CAPN15: variants seen among roughly 807,000 people sequenced by gnomAD.
CAPN15 encodes the protein calpain 15.
In CAPN15, 53 loss-of-function variants were observed where a neutral mutation model predicts 97.9. That is an observed-to-expected ratio of 0.54 (90% CI 0.43 to 0.68). CAPN15 has a LOEUF of 0.68. CAPN15 is among the 30% of genes least tolerant of loss of function. The pLI, the probability that CAPN15 is intolerant of heterozygous loss-of-function variation, is 0.00. For missense variants in CAPN15, 1,592 were observed against 1,589.8 expected (o/e 1.00, Z -0.02); for synonymous variants, 922 against 722.5 (o/e 1.28, Z -4.43).
intron 3 of CAPN15, among the ~76,000 whole-genome samples, chr16:542,372 G>A (rs951115584): frequency 1.3e-5 from 2 of 152,144 alleles, no homozygotes; most frequent in African/African-American, 4.8e-5. Flanking sequence ...TTCCGCAGCG[G>A]CTGCATTACC....
Position 535,121 on chromosome 16 carries a change from T to C in CAPN15, c.-136-908T>C, listed in dbSNP as rs944601535. 6.6e-6 allele frequency among the ~76,000 whole-genome samples: 1 copy of C among 152,154 alleles called. No homozygotes were observed. Among genetic ancestry groups the C allele is most frequent in the Non-Finnish European group, 1.5e-5 (1 of 68,004 alleles). ...CTCCCAGCTCCCCAGGTAGGGACGC[T>C]GACCCCGGGAGGTGCCTTTGCCTGC... On this transcript the variant is annotated intron_variant, in intron 2 of 13. Transcript: ENST00000219611. The surrounding 1 kb of genome is among the most constrained non-coding windows in gnomAD (Gnocchi z 6.2).
intron 2 of CAPN15, among the ~76,000 whole-genome samples, chr16:534,448 G>A (rs1038379640): frequency 2.6e-5 from 4 of 152,178 alleles, no homozygotes; most frequent in Admixed American, 6.5e-5. Context: ...TGGGGCGGGC[G>A]GTCGGAGTCC....
At position 549,642 on chromosome 16, in the gene CAPN15, C is replaced by G. The variant is rs1181412048; in HGVS notation, c.1870C>G (p.Leu624Val). The G allele has an allele frequency of 8.4e-6, 13 of 1,554,210 alleles. No individual in the cohort carries two copies. Among genetic ancestry groups the G allele is most frequent in the Admixed American group, 3.7e-5 (2 of 54,088 alleles). Reference protein sequence around the residue: ...QAQRKQLWVALIEKALAKLHG... With the variant: ...QAQRKQLWVAVIEKALAKLHG... ...GCAGCGGAAGCAGCTGTGGGTGGCC[C>G]TCATCGAGAAGGCGCTGGCCAAGCT... The change falls in exon 7 of 14, where the codon CTC becomes GTC. Residue 624 changes from leucine to valine, a missense_variant. Physicochemically the swap from Leu to Val is conservative, Grantham distance 32. Transcript: ENST00000219611.
In CAPN15 at chr16:554,480, TG is replaced by T. The variant is rs1367070384; in HGVS notation, c.*965del. The T allele has an allele frequency of 2.2e-6, 1 of 454,792 alleles. No homozygotes were observed. Among genetic ancestry groups the T allele is most frequent in the Non-Finnish European group, 4.4e-6 (1 of 226,730 alleles). 28.2% of individuals were successfully genotyped at this position (454,792 alleles called of 1,614,324 possible). ...ACTCCCCTTTGGCCTCCCTGTACTC[TG>T]AGCTGTGAATATTTTTAACCCTGTA... is the stretch of plus-strand genomic sequence containing the variant. On this transcript the variant is annotated 3_prime_UTR_variant, in exon 14 of 14. Transcript: ENST00000219611.
chr16:552,731 C>G lies in CAPN15; in HGVS notation c.2864C>G (p.Ala955Gly). 9 of 1,544,548 alleles carry G rather than the reference C, an allele frequency of 5.8e-6. No homozygotes were observed. The highest frequency in any genetic ancestry group is 7.9e-6 in the Non-Finnish European group (9 of 1,145,666). ...VEAQPTTLAD[A>G]IILLTESRGE... is the part of the protein sequence containing the mutation. The stretch of plus-strand genomic sequence containing the variant: ...GCCCAGCCGACCACGCTGGCCGACG[C>G]CATCATCCTGCTCACCGAGAGCCGC... Residue 955 changes from alanine (A) to glycine (G), a missense_variant, in exon 12 of 14, where the codon GCC (alanine) becomes GGC (glycine). Ala to Gly is a moderately conservative substitution (Grantham distance 60). Around this residue, in one of 3 missense-constraint regions of CAPN15, gnomAD observed 644 missense variants for 699.6 expected, o/e 0.92. Coordinates refer to ENST00000219611, the MANE Select transcript of CAPN15 (RefSeq NM_005632.3). This position sits in a 1 kb window ranked among gnomAD's most constrained non-coding sequence, Gnocchi z 6.4.
At chr16:528,074 C>T (rs2032978038) in intron 1 of CAPN15, 45 bp downstream of exon 1, 1 of 143,328 alleles carries the variant, frequency 7.0e-6, no homozygotes, top group South Asian at 2.0e-4. Context: ...AGCCGGGGAC[C>T]CCGGGCGGGG....
chr16:537,415 G>A (rs775972649), intron 3 of CAPN15: 463 of 985,562 alleles, frequency 4.7e-4, no homozygotes, highest in Non-Finnish European at 5.4e-4. Context: ...AGCGGCACGC[G>A]TGACCCCAGG....
chr16:553,394 C>G lies in CAPN15; in HGVS notation c.3139C>G (p.His1047Asp). 6.2e-7 allele frequency: 1 copy of G among 1,610,620 alleles called. No homozygotes were observed. Among genetic ancestry groups the G allele is most frequent in the South Asian group, 1.1e-5 (1 of 90,984 alleles). ...GGGCAACGCCGGCTTCTCTATCACC[C>G]ACCGCCTGGCACATCGCAAGGCAGC... is the stretch of plus-strand genomic sequence containing the variant. ...LEGNAGFSIT[H>D]RLAHRKAAQA... is the part of the protein sequence containing the mutation. Residue 1047 changes from histidine (H) to aspartate (D), a missense_variant, in exon 14 of 14, where the codon CAC becomes GAC. Physicochemically the swap from His to Asp is moderately conservative, Grantham distance 81. Coordinates refer to ENST00000219611, the MANE Select transcript of CAPN15 (RefSeq NM_005632.3).
Position 553,525 on chromosome 16 carries a change from C to G in CAPN15, c.*9C>G. 6.3e-7 allele frequency: 1 copy of G among 1,596,018 alleles called. No individual in the cohort carries two copies. Among genetic ancestry groups the G allele is most frequent in the Non-Finnish European group, 8.6e-7 (1 of 1,168,578 alleles). On this transcript the variant is annotated 3_prime_UTR_variant, in exon 14 of 14. Transcript: ENST00000219611. ...GGCCCCGACCGCTGTGACCACCATG[C>G]CTGGGGCAGGGGCTGTGCACAGACG...
intron 9 of CAPN15, 187 bp from the exon 10 acceptor site, chr16:551,864 A>G: frequency 1.0e-6 from 1 of 976,518 alleles, no homozygotes; most frequent in Non-Finnish European, 1.6e-6. Flanking sequence ...AGCGCCCTGA[A>G]GAGCCGGCCC....
chr16:551,055 G>GC (rs2035016695), intron 7 of CAPN15, among the ~76,000 whole-genome samples: 1 of 135,424 alleles, frequency 7.4e-6, no homozygotes, highest in Non-Finnish European at 1.5e-5. Flanking sequence ...GTCGGTGAGG[G>GC]TCCCCGGTCG....
Position 549,728 on chromosome 16 carries a change from C to A in CAPN15, c.1956C>A (p.Thr652=). 6.3e-7 allele frequency: 1 copy of A among 1,579,466 alleles called. No individual in the cohort carries two copies. Among genetic ancestry groups the A allele is most frequent in the Admixed American group, 1.8e-5 (1 of 56,632 alleles). The change falls in exon 7 of 14, where the codon ACC becomes ACA. Residue 652 remains threonine (T), a synonymous_variant. Coordinates refer to ENST00000219611, the MANE Select transcript of CAPN15 (RefSeq NM_005632.3). ...CCATCGAAGGCCTGGCCACGCTCACCGGCGCCCCCTGTGAGAGCCTGGCGC... is the reference window on the plus strand; with the variant it reads ...CCATCGAAGGCCTGGCCACGCTCACAGGCGCCCCCTGTGAGAGCCTGGCGC... ...GRAIEGLATL[T]GAPCESLALQ...
rs146133857 is a variant in CAPN15 at position 553,378 on chromosome 16, C to T, written c.3123C>T (p.Ala1041=). 63 of 1,609,262 alleles carry T rather than the reference C, an allele frequency of 3.9e-5. No individual in the cohort carries two copies. Among genetic ancestry groups the T allele is most frequent in the Admixed American group, 1.0e-4 (6 of 59,724 alleles). The stretch of plus-strand genomic sequence containing the variant: ...TCTTGTCCCAGCTAGAGGGCAACGC[C>T]GGCTTCTCTATCACCCACCGCCTGG... The part of the protein sequence containing the change: ...LVILSQLEGN[A]GFSITHRLAH... The change falls in exon 14 of 14, where the codon GCC becomes GCT. Residue 1041 remains alanine (A), a synonymous_variant. Transcript: ENST00000219611.
At chr16:530,661 G>A (rs1437139752) in intron 1 of CAPN15, among the ~76,000 whole-genome samples, 1 of 152,208 alleles carries the variant, frequency 6.6e-6, no homozygotes, top group Non-Finnish European at 1.5e-5. Flanking sequence ...GTGTCTGGGC[G>A]TGGAGTCTGT....
chr16:535,128 G>A lies in CAPN15; in HGVS notation c.-136-901G>A, dbSNP rs551027381. 4.0e-4 allele frequency among the ~76,000 whole-genome samples: 61 copies of A among 152,218 alleles called. No individual in the cohort carries two copies. The highest frequency in any genetic ancestry group is 1.1e-3 in the African/African-American group (44 of 41,530). On this transcript the variant is annotated intron_variant, in intron 2 of 13. Transcript: ENST00000219611. The surrounding 1 kb of genome is among the most constrained non-coding windows in gnomAD (Gnocchi z 6.2). The stretch of plus-strand genomic sequence containing the variant: ...CTCCCCAGGTAGGGACGCTGACCCC[G>A]GGAGGTGCCTTTGCCTGCATCCACT...
intron 7 of CAPN15, among the ~76,000 whole-genome samples, chr16:550,666 CGGT>C (rs2034928838): frequency 1.3e-5 from 2 of 150,994 alleles, no homozygotes; most frequent in African/African-American, 4.9e-5. Flanking sequence ...TGAGGGTCCC[CGGT>C]CGGTGAGGGC....
intron 3 of CAPN15, chr16:537,283 G>T: frequency 1.5e-5 from 15 of 985,544 alleles, no homozygotes; most frequent in Non-Finnish European, 1.7e-5. Context: ...AGTGAGCGCA[G>T]GGGAGCAGGA....
Position 536,029 on chromosome 16 carries a change from A to G in CAPN15, c.-136A>G. 1.1e-5 allele frequency: 2 copies of G among 177,842 alleles called. No individual in the cohort carries two copies. The highest frequency in any genetic ancestry group is 1.6e-5 in the Non-Finnish European group (2 of 126,156). The allele number at this position is 177,842 out of a possible 1,614,324, so 11.0% of individuals were successfully genotyped here. A position where few individuals can be genotyped will look rare whatever the true frequency, so the allele number is the denominator to read the frequency against. Reference sequence around the variant, plus strand: ...CCCCCCCCCCCCCCCGGTTATTCAGACAGGGAGCCAGGATGGGAACCACGG... The same window carrying G: ...CCCCCCCCCCCCCCCGGTTATTCAGGCAGGGAGCCAGGATGGGAACCACGG... On this transcript the variant is annotated splice_region_variant and 5_prime_UTR_variant, in exon 3 of 14. Coordinates refer to ENST00000219611, the MANE Select transcript of CAPN15 (RefSeq NM_005632.3).
At chr16:548,800 C>T (rs1023677664) in intron 4 of CAPN15, among the ~76,000 whole-genome samples, 193 bp from the exon 5 acceptor site, 3 of 152,238 alleles carry the variant, frequency 2.0e-5, no homozygotes, top group Admixed American at 6.5e-5. Flanking sequence ...TGTCGCCAGC[C>T]GGTGGCCTCT....
Sources: allele counts gnomAD v4.1 joint callset (sites outside exome capture counted in the v4.1 genomes callset), GRCh38; gene constraint gnomAD v4.1.1; regional missense constraint gnomAD v4.1.1; non-coding constraint Gnocchi (gnomAD v3.1); transcripts MANE v1.5; gene names NCBI Gene and HGNC (gene_info 2026-07-23, HGNC 2026-07-21).